Variants in AP3S1 observed in about 807,000 individuals in gnomAD.
The protein encoded by AP3S1 is AP-3 complex subunit sigma-1.
A neutral mutation model predicts 21.3 loss-of-function variants in AP3S1; 12 were observed. The observed-to-expected ratio is 0.56, with a 90% confidence interval of 0.36 to 0.91. AP3S1 has a LOEUF of 0.91. Among genes scored for constraint, AP3S1 ranks in the 40% least tolerant of loss-of-function variants. The probability of loss-of-function intolerance (pLI) is 0.01; values close to 1 mark genes in which losing one functional copy is unlikely to be tolerated. For missense variants in AP3S1, 116 were observed against 225.0 expected (o/e 0.52, Z 3.10); for synonymous variants, 48 against 78.4 (o/e 0.61, Z 2.05).
intron 1 of AP3S1, among the ~76,000 whole-genome samples, chr5:115,846,573 A>T (rs867478859): frequency 1.9e-3 from 270 of 145,678 alleles, no homozygotes; most frequent in African/African-American, 5.6e-3. Flanking sequence ...TTTTTTTTTT[A>T]AATCTTAACA....
At chr5:115,862,883 A>G (rs574861848) in intron 1 of AP3S1, among the ~76,000 whole-genome samples, 1 of 152,330 alleles carries the variant, frequency 6.6e-6, no homozygotes, top group African/African-American at 2.4e-5. Flanking sequence ...AAAAAGTTGA[A>G]TTGCTTGTTA....
chr5:115,862,077 C>T (rs921328870), intron 1 of AP3S1, among the ~76,000 whole-genome samples: 7 of 151,944 alleles, frequency 4.6e-5, no homozygotes, highest in African/African-American at 1.4e-4. Flanking sequence ...AATTCCATTC[C>T]GTAATTATCC....
intron 5 of AP3S1, among the ~76,000 whole-genome samples, chr5:115,905,560 G>T (rs1751576395): frequency 6.6e-6 from 1 of 152,074 alleles, no homozygotes; most frequent in African/African-American, 2.4e-5. Context: ...TATGAAATCG[G>T]ATTTCAAGTC....
intron 5 of AP3S1, chr5:115,908,899 A>AT (rs1214309646): frequency 1.3e-6 from 1 of 780,202 alleles, no homozygotes; most frequent in African/African-American, 1.9e-5. Context: ...AAAATCTGCC[A>AT]TTATTTTGTT....
intron 3 of AP3S1, among the ~76,000 whole-genome samples, chr5:115,885,640 A>G (rs1749713691): frequency 2.6e-5 from 4 of 152,180 alleles, no homozygotes; most frequent in Admixed American, 1.3e-4. Context: ...ACTGACTCAA[A>G]TGTCAATCTC....
intron 5 of AP3S1, among the ~76,000 whole-genome samples, chr5:115,908,458 T>C (rs1561531055): frequency 6.6e-6 from 1 of 152,140 alleles, no homozygotes; most frequent in East Asian, 1.9e-4. Flanking sequence ...TCTGCCTCTC[T>C]ACCTTGACAT....
chr5:115,901,138 C>T (rs1205616643), intron 4 of AP3S1, among the ~76,000 whole-genome samples: 1 of 152,110 alleles, frequency 6.6e-6, no homozygotes, highest in South Asian at 2.1e-4. Flanking sequence ...TTTCCTTCCT[C>T]TAACTTTCAA....
At chr5:115,847,500 G>A (rs1260153248) in intron 1 of AP3S1, among the ~76,000 whole-genome samples, 1 of 151,998 alleles carries the variant, frequency 6.6e-6, no homozygotes, top group African/African-American at 2.4e-5. Flanking sequence ...CACACCTATA[G>A]TCTTAGCTGC....
intron 1 of AP3S1, among the ~76,000 whole-genome samples, chr5:115,846,116 C>T (rs1032411506): frequency 5.9e-5 from 9 of 151,968 alleles, no homozygotes; most frequent in African/African-American, 1.7e-4. Context: ...AGCTATCAAA[C>T]AAAAAAATCC....
chr5:115,906,181 C>G (rs10045844), intron 5 of AP3S1, among the ~76,000 whole-genome samples: 2 of 152,058 alleles, frequency 1.3e-5, no homozygotes, highest in Non-Finnish European at 2.9e-5. Flanking sequence ...CAAAAAAAGA[C>G]TTGTTTAAAA....
intron 1 of AP3S1, among the ~76,000 whole-genome samples, chr5:115,845,729 T>C (rs971586435): frequency 2.7e-5 from 4 of 150,252 alleles, no homozygotes; most frequent in Non-Finnish European, 4.4e-5. Context: ...AGCTACTCGC[T>C]CGAGGCTGAG....
chr5:115,895,242 A>C (rs1750654730), intron 4 of AP3S1, 84 bp downstream of exon 4: 2 of 901,238 alleles, frequency 2.2e-6, no homozygotes, highest in Non-Finnish European at 3.3e-6. Flanking sequence ...TTAATGAATA[A>C]TTCTATTTTT....
chr5:115,878,619 G>A (rs969473535), intron 3 of AP3S1, among the ~76,000 whole-genome samples: 2 of 152,186 alleles, frequency 1.3e-5, no homozygotes, highest in African/African-American at 2.4e-5. Flanking sequence ...ATAGTTTGAA[G>A]TCAGGTATTG....
chr5:115,884,160 A>G (rs1749558077), intron 3 of AP3S1, among the ~76,000 whole-genome samples: 1 of 152,190 alleles, frequency 6.6e-6, no homozygotes, highest in Non-Finnish European at 1.5e-5. Context: ...CCTGTATTTT[A>G]AACGGAATTT....
intron 1 of AP3S1, among the ~76,000 whole-genome samples, chr5:115,858,944 T>A (rs1164274892): frequency 6.6e-6 from 1 of 151,712 alleles, no homozygotes; most frequent in Non-Finnish European, 1.5e-5. Context: ...ATTTATTTTT[T>A]ATTTTTTATT....
In AP3S1 at chr5:115,851,763, G is replaced by A. The variant is rs1235037399; in HGVS notation, c.69+9657G>A. Among the ~76,000 whole-genome samples the A allele has an allele frequency of 2.0e-5, 3 of 152,144 alleles. No individual in the cohort carries two copies. In the South Asian group the frequency reaches 6.2e-4, roughly 32 times the overall value. On this transcript the variant is annotated intron_variant, in intron 1 of 5. Coordinates refer to ENST00000316788, the MANE Select transcript of AP3S1 (RefSeq NM_001284.4). Reference sequence around the variant, plus strand: ...TGCAAATATTTTCTCTGATTCTGTGGTTGCCTTTTTACTCTGTTGATAGTG... The same window carrying A: ...TGCAAATATTTTCTCTGATTCTGTGATTGCCTTTTTACTCTGTTGATAGTG...
At chr5:115,865,634 G>A (rs1375164262) in intron 1 of AP3S1, among the ~76,000 whole-genome samples, 4 of 152,228 alleles carry the variant, frequency 2.6e-5, no homozygotes, top group Middle Eastern at 3.4e-3. Flanking sequence ...TACTTTTGCT[G>A]ATATGGTACA....
chr5:115,910,092 A>G (rs1751976343), intron 5 of AP3S1, among the ~76,000 whole-genome samples: 1 of 152,012 alleles, frequency 6.6e-6, no homozygotes, highest in African/African-American at 2.4e-5. Context: ...GTGAGACCCC[A>G]TCTCTACAAA....
chr5:115,864,032 A>G (rs868091753), intron 1 of AP3S1, among the ~76,000 whole-genome samples: 20 of 152,210 alleles, frequency 1.3e-4, no homozygotes, highest in South Asian at 2.1e-4. Context: ...CACAAAAGAT[A>G]TTTTTTAGTA....
Sources: gnomAD v4.1 joint callset for allele counts (sites outside exome capture counted in the v4.1 genomes callset) on GRCh38, gnomAD v4.1.1 for gene constraint, MANE v1.5 for transcripts, NCBI Gene and HGNC (gene_info 2026-07-23, HGNC 2026-07-21) for gene names.